The following CEP55 variants were observed in gnomAD, a reference collection of about 807,000 sequenced individuals.
CEP55 encodes centrosomal protein of 55 kDa.
A neutral mutation model predicts 63.2 loss-of-function variants in CEP55; 57 were observed. The ratio of observed to expected loss-of-function variants is 0.90; its 90% confidence interval spans 0.73 to 1.13. The LOEUF is 1.13. CEP55 is among the 50% of genes most tolerant of loss of function. CEP55 has a pLI of 0.00. For missense variants in CEP55, 456 were observed against 518.9 expected, an observed-to-expected ratio of 0.88 and a Z score of 1.18; for synonymous variants, 178 against 191.6, an observed-to-expected ratio of 0.93 and a Z score of 0.59.
intron 2 of CEP55, 87 bp from the exon 3 acceptor site, chr10:93,503,026 G>A (rs1255388296): frequency 1.6e-6 from 2 of 1,235,484 alleles, no homozygotes; most frequent in African/African-American, 3.0e-5. Context: ...GATAATAAAT[G>A]CTTCATAAAT....
Position 93,503,134 on chromosome 10 carries a change from GAGA to G in CEP55, c.208_210del (p.Lys70del), listed in dbSNP as rs1447266201. On this transcript the variant is annotated inframe_deletion, in exon 3 of 9. Coordinates refer to ENST00000371485, the MANE Select transcript of CEP55 (RefSeq NM_018131.5). Reference sequence around the variant, plus strand: ...CTAGAAAATTCGAGTCCTTGAGGCTGAGAAGGAGAAGAATGCTTATCAACTCAC... The same window carrying G: ...CTAGAAAATTCGAGTCCTTGAGGCTGAGGAGAAGAATGCTTATCAACTCAC... The G allele has an allele frequency of 6.2e-7, 1 of 1,613,666 alleles. No individual in the cohort carries two copies. The highest frequency in any genetic ancestry group is 8.5e-7 in the Non-Finnish European group (1 of 1,179,912).
intron 2 of CEP55, among the ~76,000 whole-genome samples, chr10:93,501,930 A>G (rs1033309691): frequency 6.6e-6 from 1 of 152,118 alleles, no homozygotes; most frequent in East Asian, 1.9e-4. Context: ...GAAGCACTGG[A>G]TATTTTGTTC....
chr10:93,523,748 C>G lies in CEP55; in HGVS notation c.1191+3941C>G, dbSNP rs201043936. Among the ~76,000 whole-genome samples the G allele has an allele frequency of 7.7e-3, 1,176 of 152,272 alleles. 29 individuals are homozygous for G. Among genetic ancestry groups the G allele is most frequent in the Admixed American group, 0.049 (747 of 15,286 alleles). ...AATTATAACAAACTGTCTCTCAGAC[C>G]ACAGTGCAATCAAACTAGAACTCAG... On this transcript the variant is annotated intron_variant, in intron 8 of 8. Coordinates refer to ENST00000371485, the MANE Select transcript of CEP55 (RefSeq NM_018131.5).
At chr10:93,517,497 A>G (rs376486556) in intron 6 of CEP55, among the ~76,000 whole-genome samples, 22 of 152,332 alleles carry the variant, frequency 1.4e-4, no homozygotes, top group African/African-American at 5.3e-4. Context: ...TTGGACAAAG[A>G]CCTGATGATG....
chr10:93,523,403 T>C (rs899100356), intron 8 of CEP55, among the ~76,000 whole-genome samples: 6 of 152,154 alleles, frequency 3.9e-5, no homozygotes, highest in African/African-American at 1.4e-4. Flanking sequence ...CCTAAATATA[T>C]ATGCACCCAA....
At chr10:93,524,216 GA>G (rs1211544061) in intron 8 of CEP55, among the ~76,000 whole-genome samples, 1 of 152,052 alleles carries the variant, frequency 6.6e-6, no homozygotes, top group Non-Finnish European at 1.5e-5. Flanking sequence ...GAAGAAAAGA[GA>G]GAAGAATCAA....
chr10:93,499,682 T>A (rs567994067), intron 1 of CEP55, among the ~76,000 whole-genome samples: 47 of 152,128 alleles, frequency 3.1e-4, no homozygotes, highest in Non-Finnish European at 6.3e-4. Flanking sequence ...CCACCACGCC[T>A]GGCTAAGTTT....
At chr10:93,524,264 C>G (rs953669719) in intron 8 of CEP55, among the ~76,000 whole-genome samples, 1 of 152,050 alleles carries the variant, frequency 6.6e-6, no homozygotes, top group African/African-American at 2.4e-5. Context: ...GGATATCACA[C>G]CGATCCCACA....
chr10:93,506,926 A>G (rs947599), intron 3 of CEP55, 62 bp from the exon 4 acceptor site: 554,768 of 1,040,150 alleles, frequency 0.53, 154,555 homozygotes, highest in South Asian at 0.59. Flanking sequence ...ATTATGGTGA[A>G]TGTAATGAGG....
At chr10:93,524,566 G>A (rs952149115) in intron 8 of CEP55, among the ~76,000 whole-genome samples, 6 of 152,134 alleles carry the variant, frequency 3.9e-5, no homozygotes, top group African/African-American at 1.4e-4. Context: ...AGAAAAAAAG[G>A]GAGTCCTCCC....
chr10:93,511,612 T>A (rs920855078), intron 4 of CEP55, among the ~76,000 whole-genome samples: 9 of 152,028 alleles, frequency 5.9e-5, no homozygotes, highest in African/African-American at 1.9e-4. Flanking sequence ...TTAATTAATT[T>A]ATTTTTTTGA....
chr10:93,522,508 A>G (rs1236815072), intron 8 of CEP55, among the ~76,000 whole-genome samples: 1 of 152,188 alleles, frequency 6.6e-6, no homozygotes, highest in Non-Finnish European at 1.5e-5. Context: ...ATTGGAAAAC[A>G]CTCTGCAGGA....
At chr10:93,525,760 C>G (rs1053195599) in intron 8 of CEP55, among the ~76,000 whole-genome samples, 8 of 151,842 alleles carry the variant, frequency 5.3e-5, no homozygotes, top group African/African-American at 1.9e-4. Flanking sequence ...TGGAACAGAA[C>G]AGAGCCCTCA....
At chr10:93,502,362 G>A (rs997725664) in intron 2 of CEP55, among the ~76,000 whole-genome samples, 1 of 152,078 alleles carries the variant, frequency 6.6e-6, no homozygotes, top group African/African-American at 2.4e-5. Flanking sequence ...ATTTTCAAAT[G>A]AATAACCATG....
At chr10:93,512,372 G>T (rs1479015640) in intron 4 of CEP55, among the ~76,000 whole-genome samples, 1 of 151,642 alleles carries the variant, frequency 6.6e-6, no homozygotes, top group African/African-American at 2.4e-5. Context: ...AAATTAGCTG[G>T]GTGTGGTGGC....
chr10:93,502,113 T>C (rs1040677658), intron 2 of CEP55, among the ~76,000 whole-genome samples: 59 of 152,128 alleles, frequency 3.9e-4, no homozygotes, highest in Non-Finnish European at 1.5e-4. Context: ...ATTCTTCAGC[T>C]TTTCTGGCTT....
chr10:93,508,470 G>A (rs1179806416), intron 4 of CEP55, among the ~76,000 whole-genome samples: 4 of 152,154 alleles, frequency 2.6e-5, no homozygotes, highest in Non-Finnish European at 4.4e-5. Context: ...ATCAGAATAC[G>A]TAATTTACCT....
intron 7 of CEP55, 55 bp from the exon 8 acceptor site, chr10:93,519,627 A>G: frequency 6.4e-7 from 1 of 1,566,536 alleles, no homozygotes; most frequent in Non-Finnish European, 8.6e-7. Context: ...CATCCAGTCA[A>G]GAGAACTAGA....
intron 8 of CEP55, among the ~76,000 whole-genome samples, chr10:93,523,223 A>C (rs963089784): frequency 6.6e-6 from 1 of 152,218 alleles, no homozygotes; most frequent in East Asian, 1.9e-4. Flanking sequence ...ACATAGGCTC[A>C]AAACAAAGGG....
Sources: gnomAD v4.1 joint callset for allele counts (sites outside exome capture counted in the v4.1 genomes callset) on GRCh38, gnomAD v4.1.1 for gene constraint, MANE v1.5 for transcripts, NCBI Gene and HGNC (gene_info 2026-07-23, HGNC 2026-07-21) for gene names.